The following DOCK2 variants were observed in gnomAD, a reference collection of about 807,000 sequenced individuals.
The protein encoded by DOCK2 is dedicator of cytokinesis 2.
Under a neutral mutation model 248.9 loss-of-function variants are expected in DOCK2, and 87 were observed. That is an observed-to-expected ratio of 0.35 (90% CI 0.29 to 0.42). The LOEUF (loss-of-function observed/expected upper bound fraction) is 0.42. Ranked by LOEUF, DOCK2 falls within the 10% of genes least tolerant of loss-of-function variation. The pLI is 1.00. For missense variants in DOCK2, 1,747 were observed against 2,300.2 expected (o/e 0.76, Z 4.92); for synonymous variants, 805 against 821.6 (o/e 0.98, Z 0.35).
intron 33 of DOCK2, among the ~76,000 whole-genome samples, chr5:170,020,899 C>G (rs978719326): frequency 6.6e-6 from 1 of 152,194 alleles, no homozygotes; most frequent in Admixed American, 6.5e-5. Context: ...TTAGAGATTC[C>G]CAGTGCATAT....
intron 26 of DOCK2, among the ~76,000 whole-genome samples, chr5:169,804,162 G>A (rs1195959174): frequency 6.6e-6 from 1 of 152,146 alleles, no homozygotes; most frequent in East Asian, 1.9e-4. Flanking sequence ...ACTCTGCAGA[G>A]CAATGTTCCT....
intron 6 of DOCK2, among the ~76,000 whole-genome samples, chr5:169,679,875 C>A (rs1759561403): frequency 6.6e-6 from 1 of 152,198 alleles, no homozygotes; most frequent in Non-Finnish European, 1.5e-5. Context: ...ACTTAGTTTC[C>A]TTCATTTGTC....
intron 7 of DOCK2, among the ~76,000 whole-genome samples, chr5:169,683,170 A>T (rs1287045531): frequency 6.6e-6 from 1 of 152,222 alleles, no homozygotes; most frequent in Non-Finnish European, 1.5e-5. Context: ...GGATCATGTG[A>T]TAAGTGTATA....
chr5:169,730,716 T>C (rs1489256253), intron 22 of DOCK2, among the ~76,000 whole-genome samples: 3 of 152,224 alleles, frequency 2.0e-5, no homozygotes, highest in African/African-American at 4.8e-5. Context: ...GAACAATCCC[T>C]AGAGTTCTAG....
chr5:169,637,516 G>T lies in DOCK2; in HGVS notation c.43+147G>T, dbSNP rs547756278. 3.7e-5 allele frequency: 36 copies of T among 985,090 alleles called. No homozygotes were observed. The South Asian group carries it at 1.1e-3, about 31-fold the overall frequency. 61.0% of individuals were successfully genotyped at this position (985,090 alleles called of 1,614,324 possible). A position where few individuals can be genotyped will look rare whatever the true frequency, so the allele number is the denominator to read the frequency against. ...GCGCAGCCTGCGGCGGGGCCTCGGG[G>T]CGGGAAAGCCGAGGCTCGGGGAGAG... is the stretch of plus-strand genomic sequence containing the variant. On this transcript the variant is annotated intron_variant, in intron 1 of 51. Coordinates refer to ENST00000520908, the MANE Select transcript of DOCK2 (RefSeq NM_004946.3).
At chr5:169,886,103 T>C (rs550382462) in intron 27 of DOCK2, among the ~76,000 whole-genome samples, 1 of 152,302 alleles carries the variant, frequency 6.6e-6, no homozygotes, top group East Asian at 1.9e-4. Context: ...GTGATCTGCA[T>C]CTCTCTTTAT....
At chr5:170,006,131 G>A (rs1755026470) in intron 30 of DOCK2, among the ~76,000 whole-genome samples, 1 of 152,166 alleles carries the variant, frequency 6.6e-6, no homozygotes, top group African/African-American at 2.4e-5. Flanking sequence ...GCAAAGCCCT[G>A]GAGAAACTGC....
At chr5:169,796,970 AT>A (rs1349699781) in intron 25 of DOCK2, among the ~76,000 whole-genome samples, 1 of 152,256 alleles carries the variant, frequency 6.6e-6, no homozygotes, top group Non-Finnish European at 1.5e-5. Flanking sequence ...TCTGAGGGCA[AT>A]AGGAAGTTAC....
At chr5:169,876,212 C>A (rs371432150) in intron 27 of DOCK2, among the ~76,000 whole-genome samples, 58 of 152,234 alleles carry the variant, frequency 3.8e-4, no homozygotes, top group Non-Finnish European at 2.1e-4. Context: ...GACAACCCAC[C>A]CTGCTCTCCT....
intron 25 of DOCK2, among the ~76,000 whole-genome samples, chr5:169,770,585 C>A (rs1317921374): frequency 6.6e-6 from 1 of 152,128 alleles, no homozygotes; most frequent in Admixed American, 6.5e-5. Flanking sequence ...CAAGCATGAG[C>A]CATTGCACCC....
rs147057309 is a variant in DOCK2 at position 169,944,774 on chromosome 5, C to T, written c.2800-38294C>T. Among the ~76,000 whole-genome samples the T allele has an allele frequency of 9.3e-3, 1,414 of 152,298 alleles. 23 individuals are homozygous for T. The highest frequency in any genetic ancestry group is 0.032 in the African/African-American group (1,340 of 41,560). On this transcript the variant is annotated intron_variant, in intron 27 of 51. Coordinates refer to ENST00000520908, the MANE Select transcript of DOCK2 (RefSeq NM_004946.3). The stretch of plus-strand genomic sequence containing the variant: ...CCTTTCTGGAGAGCTCTAGAAGCAC[C>T]TTGTGCTGTTGTCTGTGATGATCGG...
intron 25 of DOCK2, among the ~76,000 whole-genome samples, chr5:169,768,081 TAAG>T (rs1764892059): frequency 1.3e-5 from 2 of 152,262 alleles, no homozygotes; most frequent in South Asian, 4.1e-4. Context: ...GCAGGAAAGA[TAAG>T]AAGGGAGGGA....
chr5:170,033,931 C>T (rs1756232542), intron 34 of DOCK2, among the ~76,000 whole-genome samples: 1 of 152,056 alleles, frequency 6.6e-6, no homozygotes, highest in South Asian at 2.1e-4. Flanking sequence ...TAGGCCTTTC[C>T]CAATTGATGA....
intron 8 of DOCK2, 56 bp from the exon 9 acceptor site, chr5:169,689,196 A>G (rs1760153266): frequency 6.4e-7 from 1 of 1,566,336 alleles, no homozygotes; most frequent in Admixed American, 1.7e-5. Flanking sequence ...GAATGTTTTG[A>G]CTAAATGGAT....
chr5:169,899,478 G>C (rs1373501293), intron 27 of DOCK2, among the ~76,000 whole-genome samples: 1 of 152,224 alleles, frequency 6.6e-6, no homozygotes, highest in South Asian at 2.1e-4. Flanking sequence ...GGTCAAAAAT[G>C]AGCCTTGGTT....
chr5:170,058,018 C>A lies in DOCK2; in HGVS notation c.4467+352C>A, dbSNP rs373714715. On this transcript the variant is annotated intron_variant, in intron 44 of 51. Transcript: ENST00000520908. ...TCATACTCCTCTCATCACAGCACCC[C>A]CTTGGGGGCACCTGTGCAGTATCCC... 1.9e-4 allele frequency among the ~76,000 whole-genome samples: 29 copies of A among 152,244 alleles called. No individual in the cohort carries two copies. In the South Asian group the frequency reaches 6.0e-3, roughly 32 times the overall value.
chr5:169,657,361 A>C (rs1758181543), intron 2 of DOCK2, among the ~76,000 whole-genome samples: 1 of 152,238 alleles, frequency 6.6e-6, no homozygotes, highest in Admixed American at 6.5e-5. Context: ...AAATTAGTCA[A>C]AACTGTGTAG....
At chr5:169,860,068 C>A (rs1367693844) in intron 27 of DOCK2, among the ~76,000 whole-genome samples, 1 of 148,534 alleles carries the variant, frequency 6.7e-6, no homozygotes, top group Non-Finnish European at 1.5e-5. Flanking sequence ...TGGGTTTAAG[C>A]TATCCTCCTG....
chr5:170,043,582 A>G (rs1406424024), intron 38 of DOCK2, among the ~76,000 whole-genome samples: 1 of 152,184 alleles, frequency 6.6e-6, no homozygotes, highest in Admixed American at 6.5e-5. Flanking sequence ...CCTTCTCTGG[A>G]AAGATAAAAT....
Sources: allele counts gnomAD v4.1 joint callset (sites outside exome capture counted in the v4.1 genomes callset), GRCh38; gene constraint gnomAD v4.1.1; transcripts MANE v1.5; gene names NCBI Gene and HGNC (gene_info 2026-07-23, HGNC 2026-07-21).